Variants in CEP120 observed in about 807,000 individuals in gnomAD.
CEP120 encodes the protein centrosomal protein of 120 kDa.
CEP120 carries 113 observed loss-of-function variants against 126.5 expected under a neutral mutation model. The observed-to-expected ratio is 0.89, with a 90% CI of 0.77 to 1.04. The LOEUF (loss-of-function observed/expected upper bound fraction) is 1.04. Ranked by LOEUF, CEP120 falls within the 50% of genes least tolerant of loss-of-function variation. CEP120 has a pLI of 0.00. For synonymous variants in CEP120, 400 were observed against 394.3 expected (o/e 1.01, Z -0.17); for missense variants, 1,230 against 1,155.7 (o/e 1.06, Z -0.93).
intron 1 of CEP120, among the ~76,000 whole-genome samples, chr5:123,421,738 T>C (rs1204948628): frequency 1.3e-5 from 2 of 152,176 alleles, no homozygotes; most frequent in African/African-American, 4.8e-5. Context: ...TGTTTCCTCA[T>C]AGCATGGTCA....
rs758095575 is a variant in CEP120, at chr5:123,399,212, T to C, written c.536A>G (p.Gln179Arg). The C allele has an allele frequency of 1.2e-6, 2 of 1,614,046 alleles. No homozygotes were observed. The highest frequency in any genetic ancestry group is 3.3e-5 in the Admixed American group (2 of 60,028). Residue 179 changes from glutamine (Q) to arginine (R), a missense_variant, in exon 5 of 20, where the codon CAG (glutamine) becomes CGG (arginine). By Grantham distance (43) the Gln-to-Arg change is conservative. Coordinates refer to ENST00000306467, the MANE Select transcript of CEP120 (RefSeq NM_001375405.1). ...AVLNEEGGYH[Q>R]IGPAEYCTDS... ...AGTACAGTATTCTGCTGGTCCAATC[T>C]GATGGTAGCCTCCCTCTTCATTCAG...
chr5:123,389,046 T>A (rs1195017197), intron 8 of CEP120, among the ~76,000 whole-genome samples: 1 of 152,196 alleles, frequency 6.6e-6, no homozygotes, highest in African/African-American at 2.4e-5. Context: ...AAGACAGATA[T>A]CTAGTCCAAC....
Position 123,412,408 on chromosome 5 carries a change from C to A in CEP120, c.454G>T (p.Asp152Tyr). ...SFKAKGAPPRDGKVPAILAGL... is the reference protein window; with the variant it reads ...SFKAKGAPPRYGKVPAILAGL... ...GAGATGATGCACAAACCTTTTCCAT[C>A]TCGAGGGGGAGCCCCCTTTGCTTTA... The change falls in exon 4 of 20, where the codon GAT becomes TAT. Residue 152 changes from aspartate (D) to tyrosine (Y), a missense_variant. By Grantham distance (160) the Asp-to-Tyr change is radical (BLOSUM62 -3). Transcript: ENST00000306467. 6.2e-7 allele frequency: 1 copy of A among 1,600,346 alleles called. No homozygotes were observed. Among genetic ancestry groups the A allele is most frequent in the Non-Finnish European group, 8.5e-7 (1 of 1,175,854 alleles).
chr5:123,386,674 T>G lies in CEP120; in HGVS notation c.1431-7A>C. 1 of 478,768 alleles carries G rather than the reference T, an allele frequency of 2.1e-6. No homozygotes were observed. 29.7% of individuals were successfully genotyped at this position (478,768 alleles called of 1,614,324 possible). ...AAAGAATGGATATGAGTACCTAGAATTTAAAAAAAAAAAAAAAAAAAAAAG... is the reference window on the plus strand; with the variant it reads ...AAAGAATGGATATGAGTACCTAGAAGTTAAAAAAAAAAAAAAAAAAAAAAG... On this transcript the variant is annotated splice_region_variant and splice_polypyrimidine_tract_variant and intron_variant, in intron 9 of 19. Coordinates refer to ENST00000306467, the MANE Select transcript of CEP120 (RefSeq NM_001375405.1).
chr5:123,353,243 G>T (rs189757320), intron 18 of CEP120, among the ~76,000 whole-genome samples: 1 of 151,832 alleles, frequency 6.6e-6, no homozygotes, highest in Non-Finnish European at 1.5e-5. Context: ...TAGGCTTTAT[G>T]TAAAAACTCT....
intron 4 of CEP120, chr5:123,401,675 A>AC: frequency 7.1e-7 from 1 of 1,415,298 alleles, no homozygotes. Flanking sequence ...CTGCCTGAGG[A>AC]AGTTGATCTC....
chr5:123,391,059 T>A, intron 7 of CEP120, 51 bp downstream of exon 7: 1 of 1,326,964 alleles, frequency 7.5e-7, no homozygotes, highest in Non-Finnish European at 1.1e-6. Context: ...TTGTAAGTAA[T>A]CATGCATGGG....
chr5:123,388,335 A>C, intron 9 of CEP120, 97 bp downstream of exon 9: 1 of 805,008 alleles, frequency 1.2e-6, no homozygotes, highest in East Asian at 2.9e-5. Context: ...AACAAATGTT[A>C]TAACTTCTTT....
At chr5:123,390,532 A>G (rs1271386009) in intron 7 of CEP120, among the ~76,000 whole-genome samples, 1 of 152,214 alleles carries the variant, frequency 6.6e-6, no homozygotes, top group Admixed American at 6.5e-5. Flanking sequence ...CACTAAAAAT[A>G]TATGTATATG....
intron 18 of CEP120, among the ~76,000 whole-genome samples, chr5:123,363,481 G>A (rs1055046641): frequency 2.9e-5 from 4 of 139,936 alleles, no homozygotes; most frequent in Non-Finnish European, 6.3e-5. Flanking sequence ...TTCAATACAG[G>A]AGACTCTTAG....
intron 11 of CEP120, 87 bp from the exon 12 acceptor site, chr5:123,383,169 G>T: frequency 1.3e-6 from 1 of 773,186 alleles, no homozygotes; most frequent in Non-Finnish European, 2.0e-6. Context: ...TTAGCAATGG[G>T]AAGTAAGCAA....
intron 5 of CEP120, 70 bp downstream of exon 5, chr5:123,399,066 C>A: frequency 2.5e-6 from 3 of 1,211,598 alleles, no homozygotes; most frequent in Middle Eastern, 2.1e-4. Context: ...CTTTTTAATA[C>A]CTGAAAGGTA....
rs537293638 is a variant in CEP120, at chr5:123,401,380, A to G, written c.464-2096T>C. 67 of 1,508,432 alleles carry G rather than the reference A, an allele frequency of 4.4e-5. No individual in the cohort carries two copies. In the African/African-American group the frequency reaches 7.4e-4, roughly 17 times the overall value. 93.4% of individuals were successfully genotyped at this position (1,508,432 alleles called of 1,614,324 possible). On this transcript the variant is annotated intron_variant, in intron 4 of 19. Coordinates refer to ENST00000306467, the MANE Select transcript of CEP120 (RefSeq NM_001375405.1). ...AAGCCCTCTGGCCTTTGAGGCCCTC[A>G]TTCTCAGCCTGGAGCCGGCTGATGT...
At chr5:123,421,841 C>G (rs1774737197) in intron 1 of CEP120, among the ~76,000 whole-genome samples, 1 of 152,164 alleles carries the variant, frequency 6.6e-6, no homozygotes, top group Admixed American at 6.5e-5. Flanking sequence ...TAATAGTGCT[C>G]CAAATCTTTA....
At chr5:123,400,796 C>A in intron 4 of CEP120, 4 of 735,458 alleles carry the variant, frequency 5.4e-6, no homozygotes, top group South Asian at 1.5e-5. Context: ...CGCGGGTGGA[C>A]TGAGGCCTAG....
intron 17 of CEP120, among the ~76,000 whole-genome samples, chr5:123,366,734 T>A (rs986280358): frequency 6.6e-6 from 1 of 151,988 alleles, no homozygotes; most frequent in Non-Finnish European, 1.5e-5. Flanking sequence ...CTATTCTATC[T>A]ACTAATCTTG....
chr5:123,349,857 G>T, intron 19 of CEP120, 87 bp downstream of exon 19: 3 of 1,005,304 alleles, frequency 3.0e-6, no homozygotes, highest in South Asian at 1.6e-5. Context: ...TTTTATATAT[G>T]ATCTACTTTA....
At chr5:123,355,174 C>T (rs995342165) in intron 18 of CEP120, among the ~76,000 whole-genome samples, 2 of 152,108 alleles carry the variant, frequency 1.3e-5, no homozygotes, top group Non-Finnish European at 1.5e-5. Context: ...TTTTCTTAAT[C>T]CAGTCTATCG....
chr5:123,395,874 G>C (rs6860168), intron 5 of CEP120, among the ~76,000 whole-genome samples: 61,145 of 151,278 alleles, frequency 0.4, 12,414 homozygotes, highest in East Asian at 0.48. Context: ...AGTAGAGATG[G>C]GGTTTCACCA....
Sources: gnomAD v4.1 joint callset for allele counts (sites outside exome capture counted in the v4.1 genomes callset) on GRCh38, gnomAD v4.1.1 for gene constraint, MANE v1.5 for transcripts, NCBI Gene and HGNC (gene_info 2026-07-23, HGNC 2026-07-21) for gene names.